The following TUT4 variants were observed in gnomAD, a reference collection of about 807,000 sequenced individuals.
TUT4 encodes terminal uridylyl transferase 4.
TUT4 carries 36 observed loss-of-function variants against 192.2 expected under a neutral mutation model. That is an observed-to-expected ratio of 0.19 (90% CI 0.14 to 0.25). TUT4 has a LOEUF of 0.25. Among genes scored for constraint, TUT4 ranks in the 10% least tolerant of loss-of-function variants. The pLI, the probability that TUT4 is intolerant of heterozygous loss-of-function variation, is 1.00. For synonymous variants in TUT4, 618 were observed against 666.0 expected (o/e 0.93, Z 1.11); for missense variants, 1,493 against 1,957.2 (o/e 0.76, Z 4.47).
At chr1:52,501,384 A>C (rs1475271861) in intron 4 of TUT4, among the ~76,000 whole-genome samples, 1 of 151,906 alleles carries the variant, frequency 6.6e-6, no homozygotes, top group Non-Finnish European at 1.5e-5. Flanking sequence ...AGAGAAATGC[A>C]AATCAAAAGC....
At chr1:52,519,117 A>G (rs545674770) in intron 2 of TUT4, among the ~76,000 whole-genome samples, 1 of 152,358 alleles carries the variant, frequency 6.6e-6, no homozygotes, top group Non-Finnish European at 1.5e-5. Flanking sequence ...AGATGGAAAC[A>G]ATCCAAATAT....
Position 52,451,931 on chromosome 1 carries a change from T to A in TUT4, c.3436-5264A>T, listed in dbSNP as rs947698867. On this transcript the variant is annotated intron_variant, in intron 20 of 29. Transcript: ENST00000257177. ...GCCTATATCTATTAAATAAACTGAA[T>A]CAATAATTAATAACCATCCAAAAAA... 1.2e-4 allele frequency among the ~76,000 whole-genome samples: 18 copies of A among 151,034 alleles called. 1 individual carries two copies. Among genetic ancestry groups the A allele is most frequent in the African/African-American group, 3.9e-4 (16 of 41,052 alleles).
intron 1 of TUT4, among the ~76,000 whole-genome samples, chr1:52,529,463 TGAGCTC>T (rs1286945918): frequency 1.3e-5 from 2 of 152,208 alleles, no homozygotes; most frequent in African/African-American, 4.8e-5. Context: ...ACAACTAAAA[TGAGCTC>T]TGTTTCAAAA....
chr1:52,523,878 C>A (rs963926395), intron 2 of TUT4, among the ~76,000 whole-genome samples: 1 of 152,164 alleles, frequency 6.6e-6, no homozygotes, highest in Non-Finnish European at 1.5e-5. Flanking sequence ...TTTCAGAATT[C>A]TTTACCAGTG....
At chr1:52,457,135 C>T (rs893198564) in intron 20 of TUT4, among the ~76,000 whole-genome samples, 2 of 152,118 alleles carry the variant, frequency 1.3e-5, no homozygotes, top group Non-Finnish European at 2.9e-5. Context: ...GGGAAGGAAA[C>T]GCTGGTAAAA....
chr1:52,526,959 G>C (rs1224677742), intron 1 of TUT4, among the ~76,000 whole-genome samples: 1 of 152,160 alleles, frequency 6.6e-6, no homozygotes, highest in Non-Finnish European at 1.5e-5. Flanking sequence ...GGGAGGCAGA[G>C]GTTGCAGTGA....
intron 1 of TUT4, among the ~76,000 whole-genome samples, chr1:52,527,246 A>C (rs1327944164): frequency 2.0e-5 from 3 of 152,136 alleles, no homozygotes; most frequent in African/African-American, 7.2e-5. Flanking sequence ...TCGCTGAAGT[A>C]TACTTTAAAA....
At chr1:52,445,376 T>C (rs1236968445) in intron 24 of TUT4, among the ~76,000 whole-genome samples, 4 of 152,200 alleles carry the variant, frequency 2.6e-5, no homozygotes, top group Non-Finnish European at 4.4e-5. Flanking sequence ...TCTATGTGTA[T>C]ATTTTCATCG....
chr1:52,458,668 C>T (rs560932366), intron 19 of TUT4, among the ~76,000 whole-genome samples: 6 of 151,884 alleles, frequency 4.0e-5, no homozygotes, highest in Admixed American at 1.3e-4. Context: ...GCAGTGAGAC[C>T]CCATCTTACA....
At chr1:52,541,055 A>C (rs1296252132) in intron 1 of TUT4, among the ~76,000 whole-genome samples, 1 of 152,032 alleles carries the variant, frequency 6.6e-6, no homozygotes, top group African/African-American at 2.4e-5. Flanking sequence ...AAAATACAAA[A>C]ATTAGCTGGG....
At chr1:52,528,161 A>G (rs1682330528) in intron 1 of TUT4, among the ~76,000 whole-genome samples, 1 of 151,464 alleles carries the variant, frequency 6.6e-6, no homozygotes. Flanking sequence ...CCTGGGTGAC[A>G]GAGCAAGACT....
chr1:52,490,401 G>A (rs952713751), intron 8 of TUT4, among the ~76,000 whole-genome samples: 1 of 151,600 alleles, frequency 6.6e-6, no homozygotes, highest in South Asian at 2.1e-4. Context: ...AGTGACTGAA[G>A]AGAGGCTATT....
At chr1:52,483,922 A>C (rs72903655) in intron 9 of TUT4, among the ~76,000 whole-genome samples, 9,320 of 152,268 alleles carry the variant, frequency 0.061, 308 homozygotes, top group South Asian at 0.086. Flanking sequence ...CAAGAGGCAG[A>C]GGCAGAAGTC....
chr1:52,517,628 G>A (rs1198261200), intron 2 of TUT4, among the ~76,000 whole-genome samples: 1 of 152,184 alleles, frequency 6.6e-6, no homozygotes, highest in East Asian at 1.9e-4. Flanking sequence ...TTATAAAAAG[G>A]ACTCAAACAT....
chr1:52,456,189 A>C (rs920439047), intron 20 of TUT4, among the ~76,000 whole-genome samples: 6 of 152,086 alleles, frequency 3.9e-5, no homozygotes, highest in African/African-American at 1.4e-4. Flanking sequence ...GGATCACCTG[A>C]GGTCAGACAT....
intron 2 of TUT4, among the ~76,000 whole-genome samples, chr1:52,524,716 T>C (rs1410863254): frequency 6.6e-6 from 1 of 151,962 alleles, no homozygotes; most frequent in South Asian, 2.1e-4. Context: ...TGAGACAGAA[T>C]TGCTTGAACC....
chr1:52,533,795 C>T (rs1684143633), intron 1 of TUT4, among the ~76,000 whole-genome samples: 1 of 151,978 alleles, frequency 6.6e-6, no homozygotes, highest in African/African-American at 2.4e-5. Context: ...GAAATCTCGT[C>T]TCTATTAAAA....
At chr1:52,446,812 T>C in intron 20 of TUT4, 145 bp from the exon 21 acceptor site, 1 of 593,090 alleles carries the variant, frequency 1.7e-6, no homozygotes. Context: ...TGGTATAATT[T>C]GATGCCAAGA....
chr1:52,438,765 T>C (rs1382164423), intron 24 of TUT4, among the ~76,000 whole-genome samples: 1 of 152,184 alleles, frequency 6.6e-6, no homozygotes, highest in Non-Finnish European at 1.5e-5. Context: ...AAAGGAATTA[T>C]TCTCTGTACA....
Sources: gnomAD v4.1 joint callset for allele counts (sites outside exome capture counted in the v4.1 genomes callset) on GRCh38, gnomAD v4.1.1 for gene constraint, MANE v1.5 for transcripts, NCBI Gene and HGNC (gene_info 2026-07-23, HGNC 2026-07-21) for gene names.